Variants in CREB3L2 observed in about 807,000 individuals in gnomAD.
The protein encoded by CREB3L2 is cyclic AMP-responsive element-binding protein 3-like protein 2.
Under a neutral mutation model 57.2 loss-of-function variants are expected in CREB3L2, and 23 were observed. The ratio of observed to expected loss-of-function variants is 0.40; its 90% CI spans 0.29 to 0.57. The LOEUF is 0.57. CREB3L2 is among the 20% of genes least tolerant of loss of function. The pLI, the probability that CREB3L2 is intolerant of heterozygous loss-of-function variation, is 0.42. For missense variants in CREB3L2, 628 were observed against 634.7 expected, an observed-to-expected ratio of 0.99 and a Z score of 0.11; for synonymous variants, 268 against 265.1, an observed-to-expected ratio of 1.01 and a Z score of -0.11.
chr7:137,927,544 T>C (rs1181754447), intron 2 of CREB3L2, among the ~76,000 whole-genome samples: 9 of 151,964 alleles, frequency 5.9e-5, no homozygotes, highest in Admixed American at 1.3e-4. Flanking sequence ...AGATACAGCT[T>C]TTACCAATTA....
chr7:137,928,589 G>A (rs1020046544), intron 1 of CREB3L2, among the ~76,000 whole-genome samples: 2 of 152,092 alleles, frequency 1.3e-5, no homozygotes, highest in Non-Finnish European at 2.9e-5. Context: ...GGTTGGGCTG[G>A]GTGGGTGAGC....
chr7:137,969,296 A>ATGCCT (rs1801460068), intron 1 of CREB3L2, among the ~76,000 whole-genome samples: 1 of 151,880 alleles, frequency 6.6e-6, no homozygotes, highest in Admixed American at 6.6e-5. Flanking sequence ...GCCTTAGATA[A>ATGCCT]TAGCAGTGTA....
intron 1 of CREB3L2, among the ~76,000 whole-genome samples, chr7:137,938,199 T>A (rs1415299381): frequency 6.6e-6 from 1 of 152,184 alleles, no homozygotes; most frequent in Non-Finnish European, 1.5e-5. Context: ...TGTCAATGTA[T>A]CTACCATCAT....
At chr7:137,910,325 C>T (rs943735854) in intron 4 of CREB3L2, among the ~76,000 whole-genome samples, 7 of 151,910 alleles carry the variant, frequency 4.6e-5, no homozygotes, top group South Asian at 2.1e-4. Flanking sequence ...TTCCTCTTTC[C>T]CTTTTTCTCT....
rs534877152 is a variant in CREB3L2 at position 137,945,357 on chromosome 7, A to T, written c.103-16991T>A. On this transcript the variant is annotated intron_variant, in intron 1 of 11. Coordinates refer to ENST00000330387, the MANE Select transcript of CREB3L2 (RefSeq NM_194071.4). ...TTCTAACAATGAAGACCTCTAATTT[A>T]CAATGGGAGGAAAAAAGCATTTGCT... Among the ~76,000 whole-genome samples, 19 of 152,362 alleles carry T rather than the reference A, an allele frequency of 1.2e-4. No homozygotes were observed. In the South Asian group the frequency reaches 3.7e-3, roughly 30 times the overall value.
At chr7:137,956,570 C>A (rs1464157338) in intron 1 of CREB3L2, 1 of 1,287,026 alleles carries the variant, frequency 7.8e-7, no homozygotes, top group African/African-American at 1.5e-5. Context: ...CACTCTCTAC[C>A]TTCCATCTTT....
Position 137,928,212 on chromosome 7 carries a change from C to T in CREB3L2, c.257G>A (p.Cys86Tyr). 6.2e-7 allele frequency: 1 copy of T among 1,608,304 alleles called. No homozygotes were observed. Among genetic ancestry groups the T allele is most frequent in the East Asian group, 2.2e-5 (1 of 44,800 alleles). Reference sequence around the variant, plus strand: ...GGGCGACTGGGCCCGAGGCTCCTCGCACAGGGAGTAGCTGTGCTCAGCCTG... The same window carrying T: ...GGGCGACTGGGCCCGAGGCTCCTCGTACAGGGAGTAGCTGTGCTCAGCCTG... Reference protein sequence around the residue: ...LIQAEHSYSLCEEPRAQSPFT... With the variant: ...LIQAEHSYSLYEEPRAQSPFT... Residue 86 changes from cysteine to tyrosine, a missense_variant, in exon 2 of 12, where the codon TGC becomes TAC. Around this residue, in one of 3 missense-constraint regions of CREB3L2, gnomAD observed 339 missense variants for 355.4 expected, o/e 0.95. Transcript: ENST00000330387.
chr7:137,903,335 C>G (rs1256324673), intron 7 of CREB3L2, among the ~76,000 whole-genome samples: 1 of 152,232 alleles, frequency 6.6e-6, no homozygotes, highest in East Asian at 1.9e-4. Flanking sequence ...GGTCTGGGGC[C>G]TCATGCCCAT....
chr7:137,970,259 A>C (rs1801484474), intron 1 of CREB3L2, among the ~76,000 whole-genome samples: 2 of 152,392 alleles, frequency 1.3e-5, no homozygotes, highest in African/African-American at 4.8e-5. Flanking sequence ...GACAGGATGT[A>C]TAGTACTATC....
chr7:137,969,983 A>G (rs898116328), intron 1 of CREB3L2, among the ~76,000 whole-genome samples: 1 of 152,340 alleles, frequency 6.6e-6, no homozygotes, highest in Admixed American at 6.5e-5. Flanking sequence ...AATGTTTTCC[A>G]GATGCCCAGG....
chr7:137,943,384 A>G (rs1685527349), intron 1 of CREB3L2, among the ~76,000 whole-genome samples: 1 of 152,160 alleles, frequency 6.6e-6, no homozygotes. Context: ...ACAGCTGGGC[A>G]GTACTGGGTG....
intron 7 of CREB3L2, 104 bp downstream of exon 7, chr7:137,903,855 G>A (rs1388889604): frequency 5.2e-6 from 5 of 969,756 alleles, no homozygotes; most frequent in Non-Finnish European, 8.2e-6. Flanking sequence ...GGTTTCCAAG[G>A]TGGCCAGAAA....
At chr7:137,896,170 C>T (rs186378307) in intron 8 of CREB3L2, among the ~76,000 whole-genome samples, 47 of 152,320 alleles carry the variant, frequency 3.1e-4, no homozygotes, top group African/African-American at 6.5e-4. Context: ...GCGCCACAGA[C>T]GCCCTCGGCA....
At chr7:137,958,009 C>A in intron 1 of CREB3L2, 1 of 268,536 alleles carries the variant, frequency 3.7e-6, no homozygotes, top group Non-Finnish European at 7.4e-6. Context: ...AGGAGCTGTT[C>A]AACTGAATCA....
chr7:137,994,135 T>A lies in CREB3L2; in HGVS notation c.102+7469A>T, dbSNP rs142452948. Reference sequence around the variant, plus strand: ...AACAAGGGCAGCACTCCCTCACTCATAAGATCACTCATTTGGACAATTCAG... The same window carrying A: ...AACAAGGGCAGCACTCCCTCACTCAAAAGATCACTCATTTGGACAATTCAG... On this transcript the variant is annotated intron_variant, in intron 1 of 11. Coordinates refer to ENST00000330387, the MANE Select transcript of CREB3L2 (RefSeq NM_194071.4). Among the ~76,000 whole-genome samples the A allele has an allele frequency of 3.4e-3, 521 of 152,280 alleles. 3 individuals carry two copies. The highest frequency in any genetic ancestry group is 0.012 in the African/African-American group (488 of 41,554).
intron 1 of CREB3L2, chr7:137,955,309 G>A (rs937670197): frequency 7.8e-7 from 1 of 1,289,028 alleles, no homozygotes; most frequent in African/African-American, 1.5e-5. Context: ...AAGCCCTGGT[G>A]GATTGAAGCT....
In CREB3L2 at chr7:137,877,280, A is replaced by T. The variant is rs1799178799; in HGVS notation, c.*3196T>A. ...TTAGGCCTCCAAATCAAAATCATTT[A>T]TATTAACCAAAAGGTTATCTAATTT... On this transcript the variant is annotated 3_prime_UTR_variant, in exon 12 of 12. Coordinates refer to ENST00000330387, the MANE Select transcript of CREB3L2 (RefSeq NM_194071.4). 4.4e-6 allele frequency: 1 copy of T among 226,360 alleles called. No homozygotes were observed. Among genetic ancestry groups the T allele is most frequent in the Non-Finnish European group, 8.8e-6 (1 of 113,664 alleles). 14.0% of individuals were successfully genotyped at this position (226,360 alleles called of 1,614,324 possible).
Position 137,885,096 on chromosome 7 carries a change from G to C in CREB3L2, c.1169C>G (p.Ala390Gly). 1.2e-6 allele frequency: 2 copies of C among 1,614,174 alleles called. No homozygotes were observed. The highest frequency in any genetic ancestry group is 1.1e-5 in the South Asian group (1 of 91,080). ...LMVVVLCFAV[A>G]FGSFFQGYGP... ...GTAGCCTTGAAAGAAGCTGCCGAAT[G>C]CAACGGCAAAGCACAGCACCACAAC... Residue 390 changes from alanine to glycine, a missense_variant, in exon 10 of 12, where the codon GCA (alanine) becomes GGA (glycine). By Grantham distance (60) the Ala-to-Gly change is moderately conservative. This residue lies in a region of CREB3L2 where 272 missense variants were observed against 242.7 expected (regional missense o/e 1.12). Coordinates refer to ENST00000330387, the MANE Select transcript of CREB3L2 (RefSeq NM_194071.4).
In CREB3L2 at chr7:137,880,425, G is replaced by T; in HGVS notation, c.*51C>A. 1.4e-6 allele frequency: 2 copies of T among 1,428,592 alleles called. No homozygotes were observed. The highest frequency in any genetic ancestry group is 1.2e-5 in the South Asian group (1 of 85,350). 88.5% of individuals were successfully genotyped at this position (1,428,592 alleles called of 1,614,324 possible). ...GAAAAGCTGATGACAAAGGTGGTTT[G>T]GGGATGTAAAAGTAGAGTTAAGGGA... is the stretch of plus-strand genomic sequence containing the variant. On this transcript the variant is annotated 3_prime_UTR_variant, in exon 12 of 12. Transcript: ENST00000330387. This position sits in a 1 kb window ranked among gnomAD's most constrained non-coding sequence, Gnocchi z 4.0.
Sources: allele counts gnomAD v4.1 joint callset (sites outside exome capture counted in the v4.1 genomes callset), GRCh38; gene constraint gnomAD v4.1.1; regional missense constraint gnomAD v4.1.1; non-coding constraint Gnocchi (gnomAD v3.1); transcripts MANE v1.5; gene names NCBI Gene and HGNC (gene_info 2026-07-23, HGNC 2026-07-21).